GDAP1L1: variants seen among roughly 807,000 people sequenced by gnomAD.
GDAP1L1 encodes the protein ganglioside-induced differentiation-associated protein 1-like 1.
Under a neutral mutation model 37.1 loss-of-function variants are expected in GDAP1L1, and 21 were observed. That is an observed-to-expected ratio of 0.57 (90% confidence interval 0.40 to 0.81). The LOEUF is 0.81. GDAP1L1 is among the 40% of genes least tolerant of loss of function. The pLI is 0.00. For missense variants in GDAP1L1, 362 were observed against 491.6 expected (o/e 0.74, Z 2.49); for synonymous variants, 193 against 209.1 (o/e 0.92, Z 0.67).
intron 5 of GDAP1L1, among the ~76,000 whole-genome samples, chr20:44,268,768 T>G (rs1049796345): frequency 2.6e-4 from 39 of 152,178 alleles, no homozygotes; most frequent in African/African-American, 9.4e-4. Context: ...GTCTGCTGTG[T>G]GGGGAGTCCT....
chr20:44,258,972 C>G (rs185395344), intron 3 of GDAP1L1, among the ~76,000 whole-genome samples: 1 of 151,824 alleles, frequency 6.6e-6, no homozygotes, highest in African/African-American at 2.4e-5. Flanking sequence ...TCCTGCCCCC[C>G]CCATACACAG....
chr20:44,270,928 G>A (rs1175776743), intron 5 of GDAP1L1, among the ~76,000 whole-genome samples: 1 of 152,220 alleles, frequency 6.6e-6, no homozygotes, highest in African/African-American at 2.4e-5. Context: ...CTCCGCTGAA[G>A]GGAGGAGTAT....
intron 1 of GDAP1L1, among the ~76,000 whole-genome samples, chr20:44,249,738 T>A (rs1378977359): frequency 6.6e-6 from 1 of 152,228 alleles, no homozygotes. Context: ...TGGGCATCCT[T>A]CTGTCTCCCA....
At chr20:44,259,912 C>T (rs2073641265) in intron 3 of GDAP1L1, among the ~76,000 whole-genome samples, 1 of 152,090 alleles carries the variant, frequency 6.6e-6, no homozygotes, top group East Asian at 1.9e-4. Context: ...TTCTGCCATC[C>T]CAGGGTCAAG....
At chr20:44,269,099 T>C (rs1337824556) in intron 5 of GDAP1L1, among the ~76,000 whole-genome samples, 3 of 152,162 alleles carry the variant, frequency 2.0e-5, no homozygotes, top group Non-Finnish European at 2.9e-5. Context: ...TTTAAGACAG[T>C]AAATGTTGAT....
chr20:44,258,079 C>T (rs1374872725), intron 2 of GDAP1L1: 3 of 698,994 alleles, frequency 4.3e-6, no homozygotes, highest in African/African-American at 1.8e-5. Flanking sequence ...CCCAGACATG[C>T]ACTGTTTTAA....
chr20:44,256,659 T>TA (rs955128727), intron 1 of GDAP1L1, among the ~76,000 whole-genome samples: 8 of 150,724 alleles, frequency 5.3e-5, no homozygotes, highest in South Asian at 2.1e-4. Flanking sequence ...GACTCTGTCT[T>TA]AAAAAAAAGG....
At chr20:44,260,101 A>G (rs1007865171) in intron 3 of GDAP1L1, among the ~76,000 whole-genome samples, 1 of 152,202 alleles carries the variant, frequency 6.6e-6, no homozygotes, top group African/African-American at 2.4e-5. Context: ...AAAGGTATTC[A>G]CTGCAGCACA....
intron 1 of GDAP1L1, among the ~76,000 whole-genome samples, chr20:44,251,484 G>A (rs1163479413): frequency 6.6e-6 from 1 of 152,222 alleles, no homozygotes; most frequent in African/African-American, 2.4e-5. Flanking sequence ...AGAAGCAAGG[G>A]GGTGAAGGAT....
intron 5 of GDAP1L1, among the ~76,000 whole-genome samples, chr20:44,267,640 G>A (rs1230528107): frequency 2.6e-5 from 4 of 151,948 alleles, no homozygotes; most frequent in Non-Finnish European, 5.9e-5. Context: ...AAGGCAGGGG[G>A]TGATAACATG....
intron 5 of GDAP1L1, among the ~76,000 whole-genome samples, chr20:44,278,059 C>A (rs551164190): frequency 6.8e-6 from 1 of 147,574 alleles, no homozygotes; most frequent in African/African-American, 2.5e-5. Context: ...GAGGCTGAAG[C>A]GGGAGAATTG....
chr20:44,247,202 G>A (rs2073344682), upstream of GDAP1L1: 1 of 890,900 alleles, frequency 1.1e-6, no homozygotes, highest in Non-Finnish European at 1.8e-6. Context: ...CCAACTGCCC[G>A]GTGAGTAATG....
intron 5 of GDAP1L1, among the ~76,000 whole-genome samples, chr20:44,273,636 A>G (rs1028507609): frequency 1.3e-5 from 2 of 152,172 alleles, no homozygotes; most frequent in African/African-American, 4.8e-5. Flanking sequence ...CTGTGAAGCT[A>G]TATGTGGCTG....
intron 5 of GDAP1L1, chr20:44,264,837 A>AAAT (rs1283805924): frequency 8.6e-7 from 1 of 1,167,900 alleles, no homozygotes; most frequent in Non-Finnish European, 1.1e-6. Context: ...ACATTGTGTG[A>AAAT]AATAATACAC....
At chr20:44,258,348 A>C (rs1211698372) in intron 2 of GDAP1L1, 86 bp from the exon 3 acceptor site, 2 of 1,325,450 alleles carry the variant, frequency 1.5e-6, no homozygotes, top group Non-Finnish European at 2.1e-6. Flanking sequence ...GGGCAGAGAC[A>C]TCTTGGGGCT....
chr20:44,274,258 C>T (rs1363743724), intron 5 of GDAP1L1, among the ~76,000 whole-genome samples: 1 of 152,134 alleles, frequency 6.6e-6, no homozygotes, highest in Non-Finnish European at 1.5e-5. Flanking sequence ...CCACTCTTCC[C>T]CATAGAATCT....
chr20:44,256,926 G>A (rs2073559389), intron 1 of GDAP1L1, among the ~76,000 whole-genome samples: 1 of 152,136 alleles, frequency 6.6e-6, no homozygotes. Flanking sequence ...TAGCCACCAG[G>A]CAGCACTGCC....
At chr20:44,267,051 G>A (rs1039456688) in intron 5 of GDAP1L1, among the ~76,000 whole-genome samples, 1 of 152,146 alleles carries the variant, frequency 6.6e-6, no homozygotes, top group Non-Finnish European at 1.5e-5. Context: ...TGTGGCCCGC[G>A]GGCTGCAGGT....
intron 1 of GDAP1L1, among the ~76,000 whole-genome samples, chr20:44,250,523 CT>C (rs1182527508): frequency 6.6e-6 from 1 of 152,230 alleles, no homozygotes; most frequent in Admixed American, 6.5e-5. Flanking sequence ...AACCCCAACT[CT>C]GCCATTCCCA....
Sources: gnomAD v4.1 joint callset for allele counts (sites outside exome capture counted in the v4.1 genomes callset) on GRCh38, gnomAD v4.1.1 for gene constraint, MANE v1.5 for transcripts, NCBI Gene and HGNC (gene_info 2026-07-23, HGNC 2026-07-21) for gene names.